Variants in CDK14 observed in about 807,000 individuals in gnomAD.
CDK14 encodes cyclin dependent kinase 14.
In CDK14, 34 loss-of-function variants were observed where a neutral mutation model predicts 60.7. That is an observed-to-expected ratio of 0.56 (90% confidence interval 0.43 to 0.75). The LOEUF (loss-of-function observed/expected upper bound fraction) is 0.75. CDK14 is among the 30% of genes least tolerant of loss of function. The pLI is 0.00. For missense variants in CDK14, 482 were observed against 564.1 expected (o/e 0.85, Z 1.47); for synonymous variants, 197 against 203.7 (o/e 0.97, Z 0.28).
intron 2 of CDK14, among the ~76,000 whole-genome samples, chr7:90,615,661 ATG>A (rs1799636318): frequency 6.6e-6 from 1 of 152,162 alleles, no homozygotes; most frequent in South Asian, 2.1e-4. Flanking sequence ...GCCCATGGGA[ATG>A]TGCCAAATAT....
intron 11 of CDK14, among the ~76,000 whole-genome samples, chr7:91,056,318 C>T (rs1238923826): frequency 1.3e-5 from 2 of 151,386 alleles, no homozygotes; most frequent in African/African-American, 4.9e-5. Flanking sequence ...AAGATTTTCT[C>T]TCTTAGGTGC....
At chr7:90,770,103 C>T (rs1175922188) in intron 4 of CDK14, among the ~76,000 whole-genome samples, 1 of 152,220 alleles carries the variant, frequency 6.6e-6, no homozygotes, top group Non-Finnish European at 1.5e-5. Context: ...CTTTGTAGCA[C>T]TAAACGCAGC....
Position 90,613,993 on chromosome 7 carries a change from A to G in CDK14, c.123+9744A>G, listed in dbSNP as rs1025353662. Reference sequence around the variant, plus strand: ...TCCTGAGTGTTTGAGACTATTTTTTATAGTCCCAAACACTTTTTTTTTTTT... The same window carrying G: ...TCCTGAGTGTTTGAGACTATTTTTTGTAGTCCCAAACACTTTTTTTTTTTT... On this transcript the variant is annotated intron_variant, in intron 2 of 14. Transcript: ENST00000380050. 1.9e-4 allele frequency among the ~76,000 whole-genome samples: 28 copies of G among 144,664 alleles called. 1 individual carries two copies. Among genetic ancestry groups the G allele is most frequent in the African/African-American group, 6.9e-4 (27 of 39,054 alleles). 94.9% of individuals were successfully genotyped at this position (144,664 alleles called of 152,430 possible).
At chr7:90,978,087 A>G (rs1175822663) in intron 9 of CDK14, among the ~76,000 whole-genome samples, 1 of 152,192 alleles carries the variant, frequency 6.6e-6, no homozygotes, top group Non-Finnish European at 1.5e-5. Context: ...CTGAATAGCA[A>G]AAAGCAATTA....
intron 12 of CDK14, among the ~76,000 whole-genome samples, chr7:91,082,288 G>T (rs1252251404): frequency 6.6e-6 from 1 of 152,180 alleles, no homozygotes; most frequent in Non-Finnish European, 1.5e-5. Flanking sequence ...TGATTTCGGA[G>T]GTTTGAAAGT....
intron 10 of CDK14, among the ~76,000 whole-genome samples, chr7:91,033,010 C>T (rs992761977): frequency 6.6e-6 from 1 of 152,162 alleles, no homozygotes; most frequent in African/African-American, 2.4e-5. Flanking sequence ...TGACAATCAG[C>T]ACACATTACA....
intron 5 of CDK14, among the ~76,000 whole-genome samples, chr7:90,843,003 G>A (rs922783587): frequency 2.0e-5 from 3 of 152,158 alleles, no homozygotes; most frequent in Non-Finnish European, 4.4e-5. Flanking sequence ...TGATTTTACT[G>A]AGACCAAAGC....
chr7:90,951,350 A>G (rs1433716398), intron 8 of CDK14, among the ~76,000 whole-genome samples: 1 of 152,180 alleles, frequency 6.6e-6, no homozygotes, highest in Non-Finnish European at 1.5e-5. Flanking sequence ...CCACTGACCA[A>G]CACAAAGCTT....
intron 11 of CDK14, among the ~76,000 whole-genome samples, chr7:91,079,168 A>C (rs1009321458): frequency 3.5e-4 from 54 of 152,208 alleles, no homozygotes; most frequent in African/African-American, 1.3e-3. Context: ...ATTAAAACTT[A>C]GTTGTTCTAA....
At chr7:90,686,086 C>T (rs12540857) in intron 2 of CDK14, among the ~76,000 whole-genome samples, 25,390 of 152,060 alleles carry the variant, frequency 0.17, 2,203 homozygotes, top group East Asian at 0.19. Context: ...TCAATATTTT[C>T]ATCTTTAAGA....
chr7:90,943,438 A>C (rs1415008009), intron 8 of CDK14, among the ~76,000 whole-genome samples: 2 of 152,156 alleles, frequency 1.3e-5, no homozygotes, highest in Non-Finnish European at 2.9e-5. Context: ...AAAAGTTTAG[A>C]GGAGAAATTA....
intron 10 of CDK14, among the ~76,000 whole-genome samples, chr7:90,986,874 G>T (rs2115662064): frequency 6.6e-6 from 1 of 151,930 alleles, no homozygotes; most frequent in South Asian, 2.1e-4. Context: ...AATGTAACTT[G>T]TCAAATTACT....
intron 2 of CDK14, among the ~76,000 whole-genome samples, chr7:90,607,867 ACTAATCATTT>A (rs1799450652): frequency 6.6e-6 from 1 of 152,206 alleles, no homozygotes; most frequent in South Asian, 2.1e-4. Context: ...ACTTGGATGG[ACTAATCATTT>A]CTAAAATATC....
chr7:90,715,976 T>C (rs1319326011), intron 2 of CDK14, among the ~76,000 whole-genome samples: 1 of 151,980 alleles, frequency 6.6e-6, no homozygotes, highest in African/African-American at 2.4e-5. Flanking sequence ...ATATTTCACC[T>C]CTTAACACGT....
At chr7:90,899,556 A>G (rs1440857803) in intron 7 of CDK14, among the ~76,000 whole-genome samples, 2 of 152,080 alleles carry the variant, frequency 1.3e-5, no homozygotes, top group Non-Finnish European at 2.9e-5. Context: ...TGGGGTATTA[A>G]TATTTAGATC....
chr7:90,607,651 G>T (rs182189096), intron 2 of CDK14, among the ~76,000 whole-genome samples: 1 of 152,324 alleles, frequency 6.6e-6, no homozygotes, highest in African/African-American at 2.4e-5. Context: ...GTGTTTGTGT[G>T]TGTGTTTAAT....
chr7:90,630,771 A>T (rs1013209014), intron 2 of CDK14, among the ~76,000 whole-genome samples: 3 of 151,688 alleles, frequency 2.0e-5, no homozygotes, highest in African/African-American at 7.3e-5. Flanking sequence ...ATTCAGGTGA[A>T]TTTTTTTTAC....
At chr7:90,943,039 C>T (rs1412604905) in intron 8 of CDK14, among the ~76,000 whole-genome samples, 2 of 151,982 alleles carry the variant, frequency 1.3e-5, no homozygotes, top group Non-Finnish European at 1.5e-5. Context: ...CAAGTTAACT[C>T]GTTGAGAGGC....
intron 2 of CDK14, among the ~76,000 whole-genome samples, chr7:90,637,561 G>A (rs1800183427): frequency 6.6e-6 from 1 of 151,774 alleles, no homozygotes; most frequent in African/African-American, 2.4e-5. Context: ...CCAAGTATGT[G>A]GTCAATTTTG....
Sources: gnomAD v4.1 joint callset for allele counts (sites outside exome capture counted in the v4.1 genomes callset) on GRCh38, gnomAD v4.1.1 for gene constraint, MANE v1.5 for transcripts, NCBI Gene and HGNC (gene_info 2026-07-23, HGNC 2026-07-21) for gene names.